NOTCH1: variants seen among roughly 807,000 people sequenced by gnomAD.
NOTCH1 encodes the protein notch receptor 1.
Under a neutral mutation model 254.8 loss-of-function variants are expected in NOTCH1, and 37 were observed. That is an observed-to-expected ratio of 0.15 (90% CI 0.11 to 0.19). The LOEUF is 0.19. Among genes scored for constraint, NOTCH1 ranks in the 10% least tolerant of loss-of-function variants. The pLI is 1.00. For missense variants in NOTCH1, 2,972 were observed against 3,708.6 expected (o/e 0.80, Z 5.16); for synonymous variants, 1,731 against 1,618.1 (o/e 1.07, Z -1.68).
chr9:136,517,859 G>A lies in NOTCH1; in HGVS notation c.1334C>T (p.Thr445Met), dbSNP rs752919688. ...SFECQCLQGY[T>M]GPRCEIDVNE... ...GACGTCGATCTCGCATCGGGGGCCCGTGTAGCCCTGCAGACACTGGCACTC... is the reference window on the plus strand; with the variant it reads ...GACGTCGATCTCGCATCGGGGGCCCATGTAGCCCTGCAGACACTGGCACTC... Residue 445 changes from threonine (T) to methionine (M), a missense_variant, in exon 8 of 34, where the codon ACG (threonine) becomes ATG (methionine). By Grantham distance (81) the Thr-to-Met change is moderately conservative. Coordinates refer to ENST00000651671, the MANE Select transcript of NOTCH1 (RefSeq NM_017617.5). 15 of 1,612,544 alleles carry A rather than the reference G, an allele frequency of 9.3e-6. No individual in the cohort carries two copies. The highest frequency in any genetic ancestry group is 4.5e-5 in the East Asian group (2 of 44,894).
intron 2 of NOTCH1, among the ~76,000 whole-genome samples, chr9:136,531,878 A>C (rs1254442962): frequency 2.0e-5 from 3 of 151,668 alleles, no homozygotes; most frequent in Admixed American, 6.6e-5. Flanking sequence ...TCCCCATCAC[A>C]CCCGCCGGCT....
At chr9:136,534,847 G>T (rs1434606381) in intron 2 of NOTCH1, among the ~76,000 whole-genome samples, 4 of 49,698 alleles carry the variant, frequency 8.0e-5, no homozygotes. Context: ...AGAGCCCCCA[G>T]TCCCTCCCCA....
chr9:136,534,781 G>A (rs905318598), intron 2 of NOTCH1, among the ~76,000 whole-genome samples: 1 of 151,854 alleles, frequency 6.6e-6, no homozygotes, highest in African/African-American at 2.4e-5. Context: ...GGATGTCAGA[G>A]GCAAAGCCTC....
rs755417102 is a variant in NOTCH1, at chr9:136,496,627, G to C, written c.7112C>G (p.Thr2371Ser). 6.2e-7 allele frequency: 1 copy of C among 1,613,100 alleles called. No individual in the cohort carries two copies. Among genetic ancestry groups the C allele is most frequent in the Non-Finnish European group, 8.5e-7 (1 of 1,179,982 alleles). Residue 2371 changes from threonine (T) to serine (S), a missense_variant, in exon 34 of 34, where the codon ACC becomes AGC. Around this residue, in one of 8 missense-constraint regions of NOTCH1, gnomAD observed 529 missense variants for 529.2 expected, o/e 1.00. Coordinates refer to ENST00000651671, the MANE Select transcript of NOTCH1 (RefSeq NM_017617.5). The part of the protein sequence containing the change: ...QMMSYQGLPS[T>S]RLATQPHLVQ... The stretch of plus-strand genomic sequence containing the variant: ...CAGGTGAGGCTGGGTGGCCAGCCGG[G>C]TGCTGGGCAGGCCCTGGTAGCTCAT...
Position 136,502,374 on chromosome 9 carries a change from C to G in NOTCH1, c.5282G>C (p.Arg1761Pro), listed in dbSNP as rs750318685. 1 of 1,612,222 alleles carries G rather than the reference C, an allele frequency of 6.2e-7. No homozygotes were observed. Among genetic ancestry groups the G allele is most frequent in the African/African-American group, 1.3e-5 (1 of 74,910 alleles). The change falls in exon 28 of 34, where the codon CGG (arginine) becomes CCG (proline). Residue 1761 changes from arginine to proline, a missense_variant. Physicochemically the swap from Arg to Pro is moderately radical, Grantham distance 103 (BLOSUM62 -2). This residue lies in a region of NOTCH1 where 421 missense variants were observed against 604.4 expected (regional missense o/e 0.70). Coordinates refer to ENST00000651671, the MANE Select transcript of NOTCH1 (RefSeq NM_017617.5). The stretch of plus-strand genomic sequence containing the variant: ...GAACCAGAGCTGGCCATGCTGCCGC[C>G]GGCGCTTGCGGGACAGCAGCACCCC... ...GCGVLLSRKR[R>P]RQHGQLWFPE...
chr9:136,504,872 T>G lies in NOTCH1; in HGVS notation c.4819A>C (p.Lys1607Gln), dbSNP rs1324346884. ...SRVLHTNVVF[K>Q]RDAHGQQMIF... ...ATCTGCTGGCCGTGTGCGTCACGCTTGAAGACCACGTTGGTGTGCAGCACG... is the reference window on the plus strand; with the variant it reads ...ATCTGCTGGCCGTGTGCGTCACGCTGGAAGACCACGTTGGTGTGCAGCACG... Residue 1607 changes from lysine to glutamine, a missense_variant, in exon 26 of 34, where the codon AAG (lysine) becomes CAG (glutamine). Coordinates refer to ENST00000651671, the MANE Select transcript of NOTCH1 (RefSeq NM_017617.5). 1.9e-6 allele frequency: 3 copies of G among 1,584,426 alleles called. No individual in the cohort carries two copies. Among genetic ancestry groups the G allele is most frequent in the Non-Finnish European group, 2.6e-6 (3 of 1,165,850 alleles).
intron 1 of NOTCH1, among the ~76,000 whole-genome samples, chr9:136,544,743 C>A (rs565196038): frequency 6.6e-6 from 1 of 152,130 alleles, no homozygotes; most frequent in Non-Finnish European, 1.5e-5. Flanking sequence ...CCGCCTCCGC[C>A]GACACCCAAT....
At chr9:136,515,928 G>A (rs1334276655) in intron 10 of NOTCH1, 53 bp downstream of exon 10, 3 of 1,438,232 alleles carry the variant, frequency 2.1e-6, no homozygotes, top group Non-Finnish European at 2.9e-6. Context: ...TCACTGCCCT[G>A]AGTGCCCTGT....
chr9:136,538,878 T>G (rs574014579), intron 2 of NOTCH1, among the ~76,000 whole-genome samples: 14 of 152,236 alleles, frequency 9.2e-5, no homozygotes, highest in Non-Finnish European at 1.6e-4. Context: ...CCCAATCGAT[T>G]CTGCAAAGCC....
At chr9:136,521,058 T>C (rs1843359808) in intron 4 of NOTCH1, among the ~76,000 whole-genome samples, 1 of 152,090 alleles carries the variant, frequency 6.6e-6, no homozygotes, top group Admixed American at 6.5e-5. Flanking sequence ...CCCATCTCGG[T>C]TCCCCGTGAC....
At chr9:136,521,614 G>C (rs1240793604) in intron 4 of NOTCH1, among the ~76,000 whole-genome samples, 2 of 152,186 alleles carry the variant, frequency 1.3e-5, no homozygotes, top group Non-Finnish European at 2.9e-5. Flanking sequence ...GTGCTGCTAG[G>C]AAGGCATCTG....
rs781262409 is a variant in NOTCH1, at chr9:136,511,283, A to T, written c.2468-12T>A. ...CTCACACGTGGCACCTGCGGGAAGG[A>T]GACACACGTGACCCCGGGAGCCTCA... On this transcript the variant is annotated splice_polypyrimidine_tract_variant and intron_variant, in intron 15 of 33. Coordinates refer to ENST00000651671, the MANE Select transcript of NOTCH1 (RefSeq NM_017617.5). 6.2e-7 allele frequency: 1 copy of T among 1,607,964 alleles called. No individual in the cohort carries two copies. The highest frequency in any genetic ancestry group is 8.5e-7 in the Non-Finnish European group (1 of 1,178,818).
At chr9:136,520,471 C>T (rs566679009) in intron 4 of NOTCH1, among the ~76,000 whole-genome samples, 2 of 152,264 alleles carry the variant, frequency 1.3e-5, no homozygotes, top group East Asian at 3.9e-4. Context: ...CGGTGGCTCA[C>T]GCCTGGAATC....
chr9:136,507,544 G>T, intron 21 of NOTCH1, 107 bp from the exon 22 acceptor site: 1 of 1,469,772 alleles, frequency 6.8e-7, no homozygotes, highest in Non-Finnish European at 9.2e-7. Context: ...CTGCCCTCAG[G>T]TCCAGCGAAG....
chr9:136,524,438 A>G (rs1396693922), intron 2 of NOTCH1, among the ~76,000 whole-genome samples: 3 of 152,148 alleles, frequency 2.0e-5, no homozygotes, highest in Non-Finnish European at 2.9e-5. Context: ...AGCCATGGAG[A>G]GGAGCCGGGT....
At position 136,506,584 on chromosome 9, in the gene NOTCH1, C is replaced by T. The variant is rs1218990233; in HGVS notation, c.3957G>A (p.Gly1319=). 1 of 1,610,934 alleles carries T rather than the reference C, an allele frequency of 6.2e-7. No individual in the cohort carries two copies. The change falls in exon 24 of 34, where the codon GGG becomes GGA. Residue 1319 remains glycine, a synonymous_variant. Coordinates refer to ENST00000651671, the MANE Select transcript of NOTCH1 (RefSeq NM_017617.5). This position sits in a 1 kb window ranked among gnomAD's most constrained non-coding sequence, Gnocchi z 4.5. ...TGTTGGAGGCCACGGCGCAGGTGCC[C>T]CCATTCTTGCAGGGCTTGCCTTTGC... ...NGCKGKPCKN[G]GTCAVASNTA...
At position 136,522,967 on chromosome 9, in the gene NOTCH1, T is replaced by G. The variant is rs2133377485; in HGVS notation, c.625A>C (p.Thr209Pro). 1 of 1,557,810 alleles carries G rather than the reference T, an allele frequency of 6.4e-7. No homozygotes were observed. Among genetic ancestry groups the G allele is most frequent in the Non-Finnish European group, 8.7e-7 (1 of 1,151,560 alleles). ...CGCTCGCAGTTGGGGCCAGTGTGGGTGGCGCGGCAGACGCAGCGGTAGGAG... is the reference window on the plus strand; with the variant it reads ...CGCTCGCAGTTGGGGCCAGTGTGGGGGGCGCGGCAGACGCAGCGGTAGGAG... The part of the protein sequence containing the change: ...VGSYRCVCRA[T>P]HTGPNCERPY... The change falls in exon 4 of 34, where the codon ACC becomes CCC. Residue 209 changes from threonine (T) to proline (P), a missense_variant. Physicochemically the swap from Thr to Pro is conservative, Grantham distance 38. Transcript: ENST00000651671.
chr9:136,504,571 G>C lies in NOTCH1; in HGVS notation c.5018+102C>G, dbSNP rs1431047127. On this transcript the variant is annotated intron_variant, in intron 26 of 33. Transcript: ENST00000651671. ...CGTCTCTTTTACCATAAAGTGGGGA[G>C]AGTACTGCTTGCCATGGCGCCGGCC... 3 of 1,223,594 alleles carry C rather than the reference G, an allele frequency of 2.5e-6. No homozygotes were observed. In the South Asian group the frequency reaches 4.8e-5, roughly 19 times the overall value. The allele number at this position is 1,223,594 out of a possible 1,614,324, so 75.8% of individuals were successfully genotyped here.
intron 2 of NOTCH1, among the ~76,000 whole-genome samples, chr9:136,535,347 C>A (rs184463631): frequency 5.3e-5 from 8 of 152,224 alleles, no homozygotes; most frequent in African/African-American, 1.9e-4. Context: ...CGGGCTCAAT[C>A]TGGAGTGTAG....
Sources: gnomAD v4.1 joint callset for allele counts (sites outside exome capture counted in the v4.1 genomes callset) on GRCh38, gnomAD v4.1.1 for gene constraint, gnomAD v4.1.1 regional missense constraint, Gnocchi (gnomAD v3.1) non-coding constraint, MANE v1.5 for transcripts, NCBI Gene and HGNC (gene_info 2026-07-23, HGNC 2026-07-21) for gene names.